ARL4A: variants seen among roughly 807,000 people sequenced by gnomAD.
ARL4A encodes the protein ADP-ribosylation factor-like protein 4A.
ARL4A carries 5 observed loss-of-function variants against 13.9 expected under a neutral mutation model. The observed-to-expected ratio is 0.36, with a 90% CI of 0.19 to 0.75. ARL4A has a LOEUF of 0.75. ARL4A is among the 30% of genes least tolerant of loss of function. The pLI is 0.53. For missense variants in ARL4A, 147 were observed against 225.8 expected (o/e 0.65, Z 2.24); for synonymous variants, 77 against 84.4 (o/e 0.91, Z 0.48).
chr7:12,688,668 G>C lies in ARL4A; in HGVS notation c.414G>C (p.Leu138Phe), dbSNP rs1050948829. 3.1e-6 allele frequency: 5 copies of C among 1,613,834 alleles called. No homozygotes were observed. Among genetic ancestry groups the C allele is most frequent in the Non-Finnish European group, 4.2e-6 (5 of 1,179,870 alleles). ...TTATAGTTGCTAACAAACAAGATTT[G>C]AGGAACTCATTGTCACTTTCAGAAA... is the stretch of plus-strand genomic sequence containing the variant. ...PVLIVANKQD[L>F]RNSLSLSEIE... Residue 138 changes from leucine (L) to phenylalanine (F), a missense_variant, in exon 2 of 2, where the codon TTG (leucine) becomes TTC (phenylalanine). Physicochemically the swap from Leu to Phe is conservative, Grantham distance 22. Coordinates refer to ENST00000651779, the MANE Select transcript of ARL4A (RefSeq NM_005738.5). This position sits in a 1 kb window ranked among gnomAD's most constrained non-coding sequence, Gnocchi z 5.2.
chr7:12,687,391 C>T (rs945775013), upstream of ARL4A: 1 of 152,244 alleles, frequency 6.6e-6, no homozygotes, highest in Non-Finnish European at 1.5e-5. This position sits in a 1 kb window ranked among gnomAD's most constrained non-coding sequence, Gnocchi z 5.6. Context: ...AGCGGCTGCT[C>T]GGCTCCCTCT....
rs1287568482 is a variant in ARL4A at position 12,690,591 on chromosome 7, CA to C, written c.*1735del. On this transcript the variant is annotated 3_prime_UTR_variant, in exon 2 of 2. Transcript: ENST00000651779. Reference sequence around the variant, plus strand: ...TAGGCTATTTAGTCCCATAGTAGTTCAGATCTGCTTAGATGTGACAGGCATT... The same window carrying C: ...TAGGCTATTTAGTCCCATAGTAGTTCGATCTGCTTAGATGTGACAGGCATT... 1.2e-5 allele frequency: 2 copies of C among 163,630 alleles called. No homozygotes were observed. The highest frequency in any genetic ancestry group is 4.9e-5 in the African/African-American group (2 of 40,854). 10.1% of individuals were successfully genotyped at this position (163,630 alleles called of 1,614,324 possible).
upstream of ARL4A, chr7:12,686,948 C>T (rs928555305): frequency 6.6e-6 from 1 of 152,098 alleles, no homozygotes; most frequent in South Asian, 2.1e-4. Flanking sequence ...TCTGCCATCG[C>T]CCACGCCTCC....
chr7:12,688,854 A>G lies in ARL4A; in HGVS notation c.600A>G (p.Arg200=). Residue 200 remains arginine (R), a synonymous_variant, in exon 2 of 2, where the codon AGA becomes AGG. Transcript: ENST00000651779. This position sits in a 1 kb window ranked among gnomAD's most constrained non-coding sequence, Gnocchi z 5.2. Reference sequence around the variant, plus strand: ...TGTTGCGGCAACAGAAAAAGAAAAGATGAATATCAATACCTATTATATCTG... The same window carrying G: ...TGTTGCGGCAACAGAAAAAGAAAAGGTGAATATCAATACCTATTATATCTG... ...RKMLRQQKKK[R] 1 of 1,605,620 alleles carries G rather than the reference A, an allele frequency of 6.2e-7. No homozygotes were observed.
chr7:12,688,459 G>A lies in ARL4A; in HGVS notation c.205G>A (p.Val69Ile). Residue 69 changes from valine to isoleucine, a missense_variant, in exon 2 of 2, where the codon GTC (valine) becomes ATC (isoleucine). Coordinates refer to ENST00000651779, the MANE Select transcript of ARL4A (RefSeq NM_005738.5). This position sits in a 1 kb window ranked among gnomAD's most constrained non-coding sequence, Gnocchi z 5.2. Reference protein sequence around the residue: ...IKVTLGNSKTVTFHFWDVGGQ... With the variant: ...IKVTLGNSKTITFHFWDVGGQ... ...GGTAACCTTGGGAAATTCTAAAACA[G>A]TCACTTTTCACTTCTGGGATGTAGG... The A allele has an allele frequency of 6.2e-7, 1 of 1,612,680 alleles. No individual in the cohort carries two copies. Among genetic ancestry groups the A allele is most frequent in the African/African-American group, 1.3e-5 (1 of 75,000 alleles).
rs1784552414 is a variant in ARL4A, at chr7:12,687,979, A to G, written c.-89-187A>G. 6.6e-6 allele frequency among the ~76,000 whole-genome samples: 1 copy of G among 152,212 alleles called. No individual in the cohort carries two copies. Among genetic ancestry groups the G allele is most frequent in the Non-Finnish European group, 1.5e-5 (1 of 68,048 alleles). On this transcript the variant is annotated intron_variant, in intron 1 of 1. Transcript: ENST00000651779. This position sits in a 1 kb window ranked among gnomAD's most constrained non-coding sequence, Gnocchi z 5.6. ...CAATTTAAGTAAACCAGATAATTTC[A>G]ATCACTGTTATTCCATCGTTTGTCT...
rs763185942 is a variant in ARL4A at position 12,688,295 on chromosome 7, A to G, written c.41A>G (p.Asn14Ser). 9.3e-6 allele frequency: 15 copies of G among 1,612,222 alleles called. No individual in the cohort carries two copies. The highest frequency in any genetic ancestry group is 1.6e-4 in the Middle Eastern group (1 of 6,062). The part of the protein sequence containing the change: ...GLSDQTSILS[N>S]LPSFQSFHIV... ...TCAGACCAGACTTCTATCCTGTCCAACCTGCCTTCATTTCAGTCTTTCCAC... is the reference window on the plus strand; with the variant it reads ...TCAGACCAGACTTCTATCCTGTCCAGCCTGCCTTCATTTCAGTCTTTCCAC... The change falls in exon 2 of 2, where the codon AAC becomes AGC. Residue 14 changes from asparagine to serine, a missense_variant. Asn to Ser is a conservative substitution (Grantham distance 46, BLOSUM62 1). Transcript: ENST00000651779. This position sits in a 1 kb window ranked among gnomAD's most constrained non-coding sequence, Gnocchi z 5.2.
In ARL4A at chr7:12,690,878, T is replaced by G. The variant is rs73678526; in HGVS notation, c.*2021T>G. On this transcript the variant is annotated 3_prime_UTR_variant, in exon 2 of 2. Transcript: ENST00000651779. ...TTAATGTTATCTAAGTTTTTCATATTTCATGGACAACAAAAGAGAAAATGG... is the reference window on the plus strand; with the variant it reads ...TTAATGTTATCTAAGTTTTTCATATGTCATGGACAACAAAAGAGAAAATGG... The G allele has an allele frequency of 0.031, 5,133 of 166,920 alleles. 137 individuals are homozygous for G. Among genetic ancestry groups the G allele is most frequent in the East Asian group, 0.17 (885 of 5,182 alleles). 10.3% of individuals were successfully genotyped at this position (166,920 alleles called of 1,614,324 possible). A position where few individuals can be genotyped will look rare whatever the true frequency, so the allele number is the denominator to read the frequency against.
In ARL4A at chr7:12,688,608, A is replaced by C. The variant is rs918408938; in HGVS notation, c.354A>C (p.Ile118=). 2.5e-6 allele frequency: 4 copies of C among 1,612,926 alleles called. No individual in the cohort carries two copies. The highest frequency in any genetic ancestry group is 3.4e-6 in the Non-Finnish European group (4 of 1,179,848). Residue 118 remains isoleucine (I), a synonymous_variant, in exon 2 of 2, where the codon ATA becomes ATC. Coordinates refer to ENST00000651779, the MANE Select transcript of ARL4A (RefSeq NM_005738.5). The surrounding 1 kb of genome is among the most constrained non-coding windows in gnomAD (Gnocchi z 5.2). ...AAGCCAAAACTGAACTTCACAAAAT[A>C]ACTAGGATATCAGAAAATCAGGGAG... ...MEEAKTELHK[I]TRISENQGVP...
chr7:12,688,313 C>T lies in ARL4A; in HGVS notation c.59C>T (p.Ser20Phe), dbSNP rs1344127755. ...CTGTCCAACCTGCCTTCATTTCAGT[C>T]TTTCCACATTGTTATTCTGGGTTTG... ...SILSNLPSFQ[S>F]FHIVILGLDC... The change falls in exon 2 of 2, where the codon TCT becomes TTT. Residue 20 changes from serine to phenylalanine, a missense_variant. Ser to Phe is a radical substitution (Grantham distance 155). Transcript: ENST00000651779. The surrounding 1 kb of genome is among the most constrained non-coding windows in gnomAD (Gnocchi z 5.2). The T allele has an allele frequency of 6.2e-6, 10 of 1,613,506 alleles. No homozygotes were observed. The highest frequency in any genetic ancestry group is 8.5e-6 in the Non-Finnish European group (10 of 1,179,674).
At position 12,689,385 on chromosome 7, in the gene ARL4A, A is replaced by G. The variant is rs1296477761; in HGVS notation, c.*528A>G. On this transcript the variant is annotated 3_prime_UTR_variant, in exon 2 of 2. Coordinates refer to ENST00000651779, the MANE Select transcript of ARL4A (RefSeq NM_005738.5). ...ATTTTCTTTTTTAAGTTTCTGCCAAATGATTTTTGACGCTTTCTGGAATCA... is the reference window on the plus strand; with the variant it reads ...ATTTTCTTTTTTAAGTTTCTGCCAAGTGATTTTTGACGCTTTCTGGAATCA... The G allele has an allele frequency of 6.0e-6, 1 of 167,546 alleles. No individual in the cohort carries two copies. The highest frequency in any genetic ancestry group is 1.5e-5 in the Non-Finnish European group (1 of 68,510). The allele number at this position is 167,546 out of a possible 1,614,324, so 10.4% of individuals were successfully genotyped here.
At position 12,688,619 on chromosome 7, in the gene ARL4A, C is replaced by T. The variant is rs1407979090; in HGVS notation, c.365C>T (p.Ser122Leu). ...KTELHKITRISENQGVPVLIV... is the reference protein window; with the variant it reads ...KTELHKITRILENQGVPVLIV... ...GAACTTCACAAAATAACTAGGATAT[C>T]AGAAAATCAGGGAGTCCCTGTACTT... The change falls in exon 2 of 2, where the codon TCA becomes TTA. Residue 122 changes from serine (S) to leucine (L), a missense_variant. Ser to Leu is a moderately radical substitution (Grantham distance 145). Transcript: ENST00000651779. This position sits in a 1 kb window ranked among gnomAD's most constrained non-coding sequence, Gnocchi z 5.2. 6.2e-7 allele frequency: 1 copy of T among 1,613,214 alleles called. No homozygotes were observed. The highest frequency in any genetic ancestry group is 1.7e-5 in the Admixed American group (1 of 60,014).
In ARL4A at chr7:12,690,300, GTTTT is replaced by G; in HGVS notation, c.*1454_*1457del. On this transcript the variant is annotated 3_prime_UTR_variant, in exon 2 of 2. Transcript: ENST00000651779. ...TTTTGGCTTTGGGTTTTGTTTTTTTGTTTTTTTTTTTTTTCAGTGGCATAACAGT... is the reference window on the plus strand; with the variant it reads ...TTTTGGCTTTGGGTTTTGTTTTTTTGTTTTTTTTTTCAGTGGCATAACAGT... The G allele has an allele frequency of 6.6e-6, 1 of 150,422 alleles. No homozygotes were observed. 9.3% of individuals were successfully genotyped at this position (150,422 alleles called of 1,614,324 possible). A position where few individuals can be genotyped will look rare whatever the true frequency, so the allele number is the denominator to read the frequency against.
rs780270032 is a variant in ARL4A, at chr7:12,688,852, A to G, written c.598A>G (p.Arg200Gly). Residue 200 changes from arginine (R) to glycine (G), a missense_variant, in exon 2 of 2, where the codon AGA (arginine) becomes GGA (glycine). Transcript: ENST00000651779. This position sits in a 1 kb window ranked among gnomAD's most constrained non-coding sequence, Gnocchi z 5.2. ...AATGTTGCGGCAACAGAAAAAGAAA[A>G]GATGAATATCAATACCTATTATATC... ...RKMLRQQKKK[R>G] 3.7e-6 allele frequency: 6 copies of G among 1,606,268 alleles called. No homozygotes were observed.
upstream of ARL4A, chr7:12,687,530 C>A (rs927122283): frequency 6.5e-6 from 1 of 152,870 alleles, no homozygotes. This position sits in a 1 kb window ranked among gnomAD's most constrained non-coding sequence, Gnocchi z 5.6. Context: ...AGTTGCATGG[C>A]TTCCCTGATG....
In ARL4A at chr7:12,688,047, T is replaced by G; in HGVS notation, c.-89-119T>G. On this transcript the variant is annotated intron_variant, in intron 1 of 1. Transcript: ENST00000651779. This position sits in a 1 kb window ranked among gnomAD's most constrained non-coding sequence, Gnocchi z 5.2. Reference sequence around the variant, plus strand: ...CATGTACGTTTCATATCTCGTCTGGTTTGTTTAGCGCAGCAAGTTATAGTA... The same window carrying G: ...CATGTACGTTTCATATCTCGTCTGGGTTGTTTAGCGCAGCAAGTTATAGTA... 1 of 598,782 alleles carries G rather than the reference T, an allele frequency of 1.7e-6. No homozygotes were observed. The highest frequency in any genetic ancestry group is 2.7e-6 in the Non-Finnish European group (1 of 366,770). The allele number at this position is 598,782 out of a possible 1,614,324, so 37.1% of individuals were successfully genotyped here.
Position 12,688,730 on chromosome 7 carries a change from C to A in ARL4A, c.476C>A (p.Ser159Ter). 6.2e-7 allele frequency: 1 copy of A among 1,613,984 alleles called. No individual in the cohort carries two copies. Among genetic ancestry groups the A allele is most frequent in the Non-Finnish European group, 8.5e-7 (1 of 1,179,872 alleles). The change falls in exon 2 of 2, where the codon TCA becomes TAA. Residue 159 changes from serine (S) to a stop codon, truncating the protein, a stop_gained. Coordinates refer to ENST00000651779, the MANE Select transcript of ARL4A (RefSeq NM_005738.5). LOFTEE classifies it high-confidence loss of function. The surrounding 1 kb of genome is among the most constrained non-coding windows in gnomAD (Gnocchi z 5.2). ...KLLAMGELSS[S>*]TPWHLQPTCA... ...TTAGCAATGGGTGAACTGAGCTCAT[C>A]AACTCCTTGGCATTTGCAGCCTACC...
At position 12,690,625 on chromosome 7, in the gene ARL4A, G is replaced by T. The variant is rs866346965; in HGVS notation, c.*1768G>T. Reference sequence around the variant, plus strand: ...TTAGATGTGACAGGCATTGAAGGCTGTTTTTTTTTTTTTCTCCCTTCACTG... The same window carrying T: ...TTAGATGTGACAGGCATTGAAGGCTTTTTTTTTTTTTTTCTCCCTTCACTG... On this transcript the variant is annotated 3_prime_UTR_variant, in exon 2 of 2. Coordinates refer to ENST00000651779, the MANE Select transcript of ARL4A (RefSeq NM_005738.5). The T allele has an allele frequency of 1.8e-3, 272 of 148,564 alleles. 1 individual carries two copies. The highest frequency in any genetic ancestry group is 4.1e-3 in the African/African-American group (158 of 38,934). 9.2% of individuals were successfully genotyped at this position (148,564 alleles called of 1,614,324 possible). A position where few individuals can be genotyped will look rare whatever the true frequency, so the allele number is the denominator to read the frequency against.
In ARL4A at chr7:12,687,940, C is replaced by CTT; in HGVS notation, c.-90+212_-90+213insTT. Among the ~76,000 whole-genome samples, 1 of 152,184 alleles carries CTT rather than the reference C, an allele frequency of 6.6e-6. No individual in the cohort carries two copies. The highest frequency in any genetic ancestry group is 2.4e-5 in the African/African-American group (1 of 41,430). ...GAGGTTTGGGGACCCAGGAGAAAAA[C>CTT]GTACATATTACTGCAATTTAAGTAA... is the stretch of plus-strand genomic sequence containing the variant. On this transcript the variant is annotated intron_variant, in intron 1 of 1. Coordinates refer to ENST00000651779, the MANE Select transcript of ARL4A (RefSeq NM_005738.5). This position sits in a 1 kb window ranked among gnomAD's most constrained non-coding sequence, Gnocchi z 5.6.
Sources: gnomAD v4.1 joint callset for allele counts (sites outside exome capture counted in the v4.1 genomes callset) on GRCh38, gnomAD v4.1.1 for gene constraint, Gnocchi (gnomAD v3.1) non-coding constraint, MANE v1.5 for transcripts, NCBI Gene and HGNC (gene_info 2026-07-23, HGNC 2026-07-21) for gene names.